Variants in PHYHD1 observed in about 807,000 individuals in gnomAD.
The protein encoded by PHYHD1 is phytanoyl-CoA dioxygenase domain containing 1, also known as phytanoyl-CoA dioxygenase domain-containing protein 1.
In PHYHD1, 42 loss-of-function variants were observed where a neutral mutation model predicts 43.6. That is an observed-to-expected ratio of 0.96 (90% CI 0.75 to 1.25). The LOEUF (loss-of-function observed/expected upper bound fraction) is 1.25, where lower values mean the gene tolerates loss of function less well. Among genes scored for constraint, PHYHD1 ranks in the 50% most tolerant of loss-of-function variants. PHYHD1 has a pLI of 0.00. For missense variants in PHYHD1, 342 were observed against 370.8 expected, an observed-to-expected ratio of 0.92 and a Z score of 0.64; for synonymous variants, 139 against 143.6, an observed-to-expected ratio of 0.97 and a Z score of 0.23.
chr9:128,930,924 G>C (rs1346647082), intron 4 of PHYHD1, among the ~76,000 whole-genome samples: 1 of 150,092 alleles, frequency 6.7e-6, no homozygotes, highest in Non-Finnish European at 1.5e-5. Context: ...ACTCCAGCCT[G>C]GGCGACAGAG....
At chr9:128,941,307 C>T in intron 11 of PHYHD1, 138 bp from the exon 12 acceptor site, 1 of 1,177,964 alleles carries the variant, frequency 8.5e-7, no homozygotes, top group Non-Finnish European at 1.2e-6. Flanking sequence ...GCTGCAGATG[C>T]CTGAGCTTTC....
At chr9:128,934,768 CAA>C (rs71497426) in intron 6 of PHYHD1, among the ~76,000 whole-genome samples, 10 of 114,666 alleles carry the variant, frequency 8.7e-5, no homozygotes, top group East Asian at 2.5e-4. Flanking sequence ...AACTCCGTCT[CAA>C]AAAAAAAAAA....
rs543168472 is a variant in PHYHD1, at chr9:128,939,315, C to G, written c.458-1054C>G. On this transcript the variant is annotated intron_variant, in intron 9 of 12. Transcript: ENST00000372592. ...TGGATGCTGGCCAGGAGTGGTGGCT[C>G]ACGCTTGTAATCCCAGCACTTTGGG... 2.3e-5 allele frequency among the ~76,000 whole-genome samples: 3 copies of G among 128,712 alleles called. 1 individual carries two copies. In the South Asian group the frequency reaches 7.8e-4, roughly 33 times the overall value. 84.4% of individuals were successfully genotyped at this position (128,712 alleles called of 152,430 possible). A position where few individuals can be genotyped will look rare whatever the true frequency, so the allele number is the denominator to read the frequency against.
intron 4 of PHYHD1, among the ~76,000 whole-genome samples, chr9:128,933,150 CTTTTT>C (rs751550740): frequency 9.6e-6 from 1 of 104,210 alleles, no homozygotes; most frequent in Non-Finnish European, 2.0e-5. Flanking sequence ...TGCACCCAGA[CTTTTT>C]TTTTTTTTTT....
chr9:128,941,970 C>T lies in PHYHD1; in HGVS notation c.*257C>T. On this transcript the variant is annotated 3_prime_UTR_variant, in exon 13 of 13. Transcript: ENST00000372592. ...AAGGGTTCTGGCCCCTTCTCACTCT[C>T]CTCTCCTCTCAGATGGAACTCTGGT... 1.8e-6 allele frequency: 1 copy of T among 564,868 alleles called. No individual in the cohort carries two copies. The highest frequency in any genetic ancestry group is 3.2e-6 in the Non-Finnish European group (1 of 316,850). 35.0% of individuals were successfully genotyped at this position (564,868 alleles called of 1,614,324 possible). A position where few individuals can be genotyped will look rare whatever the true frequency, so the allele number is the denominator to read the frequency against.
chr9:128,936,350 G>A (rs1841421806), intron 6 of PHYHD1, 98 bp from the exon 7 acceptor site: 21 of 1,486,864 alleles, frequency 1.4e-5, no homozygotes, highest in Non-Finnish European at 1.9e-5. Context: ...CAAAGTAAGT[G>A]AGAATGTCAA....
chr9:128,931,300 C>T (rs1416423508), intron 4 of PHYHD1, among the ~76,000 whole-genome samples: 5 of 151,734 alleles, frequency 3.3e-5, no homozygotes, highest in African/African-American at 7.3e-5. Context: ...TTATTAGAGA[C>T]GTGGTTTCAC....
chr9:128,922,065 G>A lies in PHYHD1; in HGVS notation c.-42+18G>A, dbSNP rs2131090814. 1.9e-6 allele frequency: 1 copy of A among 524,330 alleles called. No homozygotes were observed. Among genetic ancestry groups the A allele is most frequent in the East Asian group, 3.4e-5 (1 of 29,544 alleles). 32.5% of individuals were successfully genotyped at this position (524,330 alleles called of 1,614,324 possible). ...GGCACCTGGTAAGCAGTGGTGGGGGGTGGTTTCCAGAAGAAACACAGAGGA... is the reference window on the plus strand; with the variant it reads ...GGCACCTGGTAAGCAGTGGTGGGGGATGGTTTCCAGAAGAAACACAGAGGA... On this transcript the variant is annotated intron_variant, in intron 2 of 12. Transcript: ENST00000372592.
chr9:128,922,179 C>T (rs1242493470), intron 2 of PHYHD1, 104 bp from the exon 3 acceptor site: 1 of 871,988 alleles, frequency 1.1e-6, no homozygotes, highest in African/African-American at 1.7e-5. Flanking sequence ...ACAGGCTGAT[C>T]TGGCTGTGTC....
chr9:128,930,932 G>C (rs1399129553), intron 4 of PHYHD1, among the ~76,000 whole-genome samples: 1 of 145,966 alleles, frequency 6.9e-6, no homozygotes, highest in Non-Finnish European at 1.5e-5. Context: ...CTGGGCGACA[G>C]AGCGAGACTC....
intron 4 of PHYHD1, among the ~76,000 whole-genome samples, chr9:128,929,913 AGCTCAGGAGT>A (rs1251914608): frequency 6.6e-6 from 1 of 151,318 alleles, no homozygotes; most frequent in African/African-American, 2.4e-5. Flanking sequence ...AAATCACTTG[AGCTCAGGAGT>A]TTGAGACCAG....
chr9:128,934,117 C>T (rs964201332), intron 6 of PHYHD1, 59 bp downstream of exon 6: 7 of 1,539,004 alleles, frequency 4.5e-6, no homozygotes, highest in East Asian at 2.2e-5. Flanking sequence ...GGAGTGGTGG[C>T]TTACACTTGT....
Position 128,930,457 on chromosome 9 carries a change from A to C in PHYHD1, c.192+3261A>C, listed in dbSNP as rs373766837. Among the ~76,000 whole-genome samples the C allele has an allele frequency of 1.9e-3, 283 of 150,056 alleles. 3 individuals carry two copies. The highest frequency in any genetic ancestry group is 0.014 in the South Asian group (68 of 4,716). ...GAGACACTGTCTTTTTAAAAAAAAA[A>C]AAACAAACCCTGGCATGGTGGCTCA... On this transcript the variant is annotated intron_variant, in intron 4 of 12. Coordinates refer to ENST00000372592, the MANE Select transcript of PHYHD1 (RefSeq NM_001100876.2).
rs565280071 is a variant in PHYHD1 at position 128,940,853 on chromosome 9, T to C, written c.703+138T>C. The C allele has an allele frequency of 4.9e-6, 4 of 818,350 alleles. 1 individual carries two copies. The South Asian group carries it at 7.1e-5, about 14-fold the overall frequency. 50.7% of individuals were successfully genotyped at this position (818,350 alleles called of 1,614,324 possible). A position where few individuals can be genotyped will look rare whatever the true frequency, so the allele number is the denominator to read the frequency against. On this transcript the variant is annotated intron_variant, in intron 11 of 12. Transcript: ENST00000372592. ...CACAGAAAGAGAAGGAGGGGCTGGA[T>C]GGGCGCTGGGAAGTCAGGAAGCAGC...
chr9:128,925,094 G>T (rs1338311974), intron 3 of PHYHD1, among the ~76,000 whole-genome samples: 2 of 152,190 alleles, frequency 1.3e-5, no homozygotes, highest in Non-Finnish European at 2.9e-5. Flanking sequence ...GAGCTGAGGG[G>T]CCCATGGTGG....
intron 4 of PHYHD1, among the ~76,000 whole-genome samples, chr9:128,928,241 C>T (rs541091334): frequency 1.3e-5 from 2 of 152,202 alleles, no homozygotes; most frequent in Admixed American, 6.5e-5. Context: ...ATTTGCTGCA[C>T]AGCTGCCTTC....
At chr9:128,922,936 CTTTTTTTTTT>C (rs59238657) in intron 3 of PHYHD1, among the ~76,000 whole-genome samples, 2 of 90,676 alleles carry the variant, frequency 2.2e-5, no homozygotes, top group African/African-American at 9.5e-5. Context: ...ATGCCCAGCT[CTTTTTTTTTT>C]TTTTTTTTTT....
chr9:128,940,232 A>G, intron 9 of PHYHD1, 137 bp from the exon 10 acceptor site: 1 of 1,344,264 alleles, frequency 7.4e-7, no homozygotes, highest in Admixed American at 2.2e-5. Context: ...CTGGGCCAGG[A>G]AGTGATGAGA....
intron 8 of PHYHD1, among the ~76,000 whole-genome samples, chr9:128,937,107 TC>T (rs1024465359): frequency 7.9e-5 from 12 of 151,764 alleles, no homozygotes; most frequent in Non-Finnish European, 1.6e-4. Context: ...AGAGCAAGGC[TC>T]CGTCTCAAAA....
Sources: allele counts gnomAD v4.1 joint callset (sites outside exome capture counted in the v4.1 genomes callset), GRCh38; gene constraint gnomAD v4.1.1; transcripts MANE v1.5; gene names NCBI Gene and HGNC (gene_info 2026-07-23, HGNC 2026-07-21).